CLTC: variants seen among roughly 807,000 people sequenced by gnomAD.
The protein encoded by CLTC is clathrin heavy chain 1.
In CLTC, 16 loss-of-function variants were observed where a neutral mutation model predicts 195.8. That is an observed-to-expected ratio of 0.08 (90% confidence interval 0.06 to 0.12). The LOEUF is 0.12. CLTC is among the 10% of genes least tolerant of loss of function. The pLI, the probability that CLTC is intolerant of heterozygous loss-of-function variation, is 1.00. For missense variants in CLTC, 796 were observed against 2,027.0 expected, an observed-to-expected ratio of 0.39 and a Z score of 11.66; for synonymous variants, 667 against 689.4, an observed-to-expected ratio of 0.97 and a Z score of 0.51.
chr17:59,676,136 G>A (rs879593393), intron 16 of CLTC, among the ~76,000 whole-genome samples: 2 of 152,132 alleles, frequency 1.3e-5, no homozygotes, highest in African/African-American at 2.4e-5. Context: ...AGCCCAGGAG[G>A]TCAGGGCCGC....
Position 59,683,567 on chromosome 17 carries a change from CAGA to C in CLTC, c.4191+34_4191+36del. ...TACTTTCTTCAGAAGATAAAGGATTCAGAAGGAGAAAGCTCATTAGGAAGTAAC... is the reference window on the plus strand; with the variant it reads ...TACTTTCTTCAGAAGATAAAGGATTCAGGAGAAAGCTCATTAGGAAGTAAC... On this transcript the variant is annotated intron_variant, in intron 26 of 31. Coordinates refer to ENST00000269122, the MANE Select transcript of CLTC (RefSeq NM_004859.4). The surrounding 1 kb of genome is among the most constrained non-coding windows in gnomAD (Gnocchi z 6.1). 1.9e-6 allele frequency: 3 copies of C among 1,612,932 alleles called. No homozygotes were observed. Among genetic ancestry groups the C allele is most frequent in the Non-Finnish European group, 2.5e-6 (3 of 1,179,420 alleles).
At chr17:59,657,180 G>A (rs527338562) in intron 6 of CLTC, among the ~76,000 whole-genome samples, 5 of 152,114 alleles carry the variant, frequency 3.3e-5, no homozygotes, top group Non-Finnish European at 7.4e-5. Context: ...TATATGAAGA[G>A]ACAATTCCTC....
chr17:59,657,172 T>C (rs1175067283), intron 6 of CLTC, among the ~76,000 whole-genome samples: 2 of 152,202 alleles, frequency 1.3e-5, no homozygotes, highest in Non-Finnish European at 2.9e-5. Flanking sequence ...ATGTTATGTA[T>C]ATGAAGAGAC....
In CLTC at chr17:59,659,519, T is replaced by A. The variant is rs1262567480; in HGVS notation, c.970-872T>A. 3.3e-5 allele frequency among the ~76,000 whole-genome samples: 5 copies of A among 151,440 alleles called. No homozygotes were observed. The South Asian group carries it at 1.0e-3, about 32-fold the overall frequency. ...AGGCTGGAGTGCAGTCGTGCCATCT[T>A]GGCTTACTGAAACCTCTGCCTCCTG... On this transcript the variant is annotated intron_variant, in intron 6 of 31. Transcript: ENST00000269122.
At chr17:59,643,700 C>T (rs568877484) in intron 1 of CLTC, among the ~76,000 whole-genome samples, 3 of 152,274 alleles carry the variant, frequency 2.0e-5, no homozygotes, top group South Asian at 2.1e-4. Flanking sequence ...AGAATTCTCT[C>T]GCCTGCCTCC....
At chr17:59,635,712 T>C (rs556462839) in intron 1 of CLTC, among the ~76,000 whole-genome samples, 1 of 152,340 alleles carries the variant, frequency 6.6e-6, no homozygotes. Context: ...CCATGGCCTC[T>C]TTGGTCCTCT....
Position 59,655,912 on chromosome 17 carries a change from A to G in CLTC, c.854A>G (p.Tyr285Cys), listed in dbSNP as rs2032454669. Residue 285 changes from tyrosine to cysteine, a missense_variant, in exon 6 of 32, where the codon TAT becomes TGT. By Grantham distance (194) the Tyr-to-Cys change is radical. This residue lies in a region of CLTC where 293 missense variants were observed against 795.6 expected (regional missense o/e 0.37). Coordinates refer to ENST00000269122, the MANE Select transcript of CLTC (RefSeq NM_004859.4). ...ACCAAGTATGGTTATATCCACCTCT[A>G]TGATCTTGAGACTGGTACCTGCATC... The part of the protein sequence containing the change: ...LITKYGYIHL[Y>C]DLETGTCIYM... The G allele has an allele frequency of 1.2e-6, 2 of 1,611,844 alleles. No homozygotes were observed. The highest frequency in any genetic ancestry group is 1.7e-6 in the Non-Finnish European group (2 of 1,179,388).
At chr17:59,624,521 T>G (rs976175696) in intron 1 of CLTC, among the ~76,000 whole-genome samples, 1 of 145,804 alleles carries the variant, frequency 6.9e-6, no homozygotes, top group African/African-American at 2.6e-5. Context: ...TAGACTAGTG[T>G]GCAGTGGTGC....
At chr17:59,620,309 G>A (rs1355818350) in intron 1 of CLTC, 136 bp downstream of exon 1, 5 of 813,500 alleles carry the variant, frequency 6.1e-6, no homozygotes, top group East Asian at 2.5e-5. Flanking sequence ...GTGGAGGAGG[G>A]GGCACTATCT....
At chr17:59,664,575 AAAG>A (rs1448288365) in intron 9 of CLTC, 2 of 450,326 alleles carry the variant, frequency 4.4e-6, no homozygotes, top group Admixed American at 7.7e-5. Context: ...AAAGAAAAGA[AAAG>A]AAAAGAAAAT....
Position 59,681,120 on chromosome 17 carries a change from A to G in CLTC, c.3065+63A>G. The G allele has an allele frequency of 3.2e-6, 5 of 1,555,500 alleles. No individual in the cohort carries two copies. Among genetic ancestry groups the G allele is most frequent in the Non-Finnish European group, 4.4e-6 (5 of 1,145,004 alleles). On this transcript the variant is annotated intron_variant, in intron 19 of 31. Transcript: ENST00000269122. This position sits in a 1 kb window ranked among gnomAD's most constrained non-coding sequence, Gnocchi z 5.0. Reference sequence around the variant, plus strand: ...AGTCTTTAATAAATTATGGCCCATCAGTTTTGGGAAGGAACAAAAAGATCA... The same window carrying G: ...AGTCTTTAATAAATTATGGCCCATCGGTTTTGGGAAGGAACAAAAAGATCA...
In CLTC at chr17:59,647,645, T is replaced by G. The variant is rs761507581; in HGVS notation, c.498T>G (p.Leu166=). 6.2e-7 allele frequency: 1 copy of G among 1,614,064 alleles called. No individual in the cohort carries two copies. Among genetic ancestry groups the G allele is most frequent in the Admixed American group, 1.7e-5 (1 of 60,024 alleles). Reference sequence around the variant, plus strand: ...CAGATGCAAAACAAAAGTGGTTACTTCTGACTGGTATATCTGCACAGGTAA... The same window carrying G: ...CAGATGCAAAACAAAAGTGGTTACTGCTGACTGGTATATCTGCACAGGTAA... ...YRTDAKQKWL[L]LTGISAQQNR... Residue 166 remains leucine (L), a synonymous_variant, in exon 3 of 32, where the codon CTT becomes CTG. Coordinates refer to ENST00000269122, the MANE Select transcript of CLTC (RefSeq NM_004859.4).
intron 30 of CLTC, chr17:59,687,194 T>A: frequency 5.9e-6 from 1 of 170,412 alleles, no homozygotes; most frequent in Non-Finnish European, 1.2e-5. Flanking sequence ...TGTAGGACAT[T>A]AGTAGACGTT....
At chr17:59,633,196 G>A (rs2031770590) in intron 1 of CLTC, among the ~76,000 whole-genome samples, 2 of 152,162 alleles carry the variant, frequency 1.3e-5, no homozygotes, top group African/African-American at 4.8e-5. Context: ...TAAGCTCACA[G>A]GAAAACACTC....
At chr17:59,652,962 TG>T (rs1239123321) in intron 5 of CLTC, among the ~76,000 whole-genome samples, 1 of 152,200 alleles carries the variant, frequency 6.6e-6, no homozygotes, top group Non-Finnish European at 1.5e-5. Flanking sequence ...CATCAGTACT[TG>T]GTTTTTCACC....
At chr17:59,641,603 C>CAAAAAAAAAAA (rs34208843) in intron 1 of CLTC, among the ~76,000 whole-genome samples, 1 of 48,850 alleles carries the variant, frequency 2.0e-5, no homozygotes, top group Non-Finnish European at 3.4e-5. Context: ...GACTCCATCT[C>CAAAAAAAAAAA]AAAAAAAAAA....
chr17:59,626,696 C>G (rs1357293877), intron 1 of CLTC, among the ~76,000 whole-genome samples: 2 of 152,206 alleles, frequency 1.3e-5, no homozygotes, highest in African/African-American at 4.8e-5. Context: ...AACCTGTCTT[C>G]TGAGCCACAG....
chr17:59,694,022 ATTTCAC>A lies in CLTC; in HGVS notation c.*171_*176del. 1.8e-6 allele frequency: 1 copy of A among 563,046 alleles called. No homozygotes were observed. Among genetic ancestry groups the A allele is most frequent in the South Asian group, 3.7e-5 (1 of 27,116 alleles). 34.9% of individuals were successfully genotyped at this position (563,046 alleles called of 1,614,324 possible). On this transcript the variant is annotated 3_prime_UTR_variant, in exon 32 of 32. Coordinates refer to ENST00000269122, the MANE Select transcript of CLTC (RefSeq NM_004859.4). ...CTTGGATCACCTATGTTAAAACCTT[ATTTCAC>A]ATTCCACATCATTTTAGAATTTATT...
intron 31 of CLTC, 137 bp from the exon 32 acceptor site, chr17:59,693,591 A>G: frequency 9.5e-7 from 1 of 1,054,110 alleles, no homozygotes; most frequent in Non-Finnish European, 1.3e-6. Flanking sequence ...TAGCAATCAA[A>G]TGTGCCCCCC....
Sources: gnomAD v4.1 joint callset for allele counts (sites outside exome capture counted in the v4.1 genomes callset) on GRCh38, gnomAD v4.1.1 for gene constraint, gnomAD v4.1.1 regional missense constraint, Gnocchi (gnomAD v3.1) non-coding constraint, MANE v1.5 for transcripts, NCBI Gene and HGNC (gene_info 2026-07-23, HGNC 2026-07-21) for gene names.